The following PDE10A variants were observed in gnomAD, a reference collection of about 807,000 sequenced individuals.
The protein encoded by PDE10A is cAMP and cAMP-inhibited cGMP 3',5'-cyclic phosphodiesterase 10A.
Under a neutral mutation model 97.7 loss-of-function variants are expected in PDE10A, and 39 were observed. The ratio of observed to expected loss-of-function variants is 0.40; its 90% CI spans 0.31 to 0.52. PDE10A has a LOEUF of 0.52. Ranked by LOEUF, PDE10A falls within the 20% of genes least tolerant of loss-of-function variation. The probability of loss-of-function intolerance (pLI) is 0.56; values close to 1 mark genes in which losing one functional copy is unlikely to be tolerated. For missense variants in PDE10A, 731 were observed against 1,047.8 expected, an observed-to-expected ratio of 0.70 and a Z score of 4.17; for synonymous variants, 371 against 376.8, an observed-to-expected ratio of 0.98 and a Z score of 0.18.
chr6:165,515,564 C>T (rs1781752335), intron 2 of PDE10A, among the ~76,000 whole-genome samples: 1 of 142,684 alleles, frequency 7.0e-6, no homozygotes, highest in African/African-American at 2.7e-5. Context: ...CACTCTGTCA[C>T]ACAGGGTGGA....
At chr6:165,795,850 C>T (rs1369156555) in intron 1 of PDE10A, among the ~76,000 whole-genome samples, 2 of 152,114 alleles carry the variant, frequency 1.3e-5, no homozygotes, top group African/African-American at 4.8e-5. Flanking sequence ...TGGCAGTGAC[C>T]TTGGTATACA....
At chr6:165,663,667 G>C (rs564885567), upstream of PDE10A, among the ~76,000 whole-genome samples, 6 of 152,332 alleles carry the variant, frequency 3.9e-5, no homozygotes, top group Admixed American at 3.9e-4. Flanking sequence ...TTGAAATACG[G>C]TTCCTCCCCA....
intron 2 of PDE10A, among the ~76,000 whole-genome samples, chr6:165,514,363 T>C (rs1489402878): frequency 1.3e-5 from 2 of 152,232 alleles, no homozygotes; most frequent in African/African-American, 4.8e-5. Context: ...GCATTATTCT[T>C]TTTAAGTATT....
intron 1 of PDE10A, among the ~76,000 whole-genome samples, chr6:165,833,154 C>T (rs1874189): frequency 0.06 from 9,207 of 152,292 alleles, 346 homozygotes; most frequent in South Asian, 0.12. Context: ...GTCCCTGTGG[C>T]TTCTCTTCTC....
At chr6:165,480,068 T>G (rs991344735) in intron 3 of PDE10A, among the ~76,000 whole-genome samples, 1 of 152,232 alleles carries the variant, frequency 6.6e-6, no homozygotes, top group Non-Finnish European at 1.5e-5. Flanking sequence ...TGCAATGTTT[T>G]AAAGATATAT....
rs147976959 is a variant in PDE10A at position 165,589,713 on chromosome 6, G to A, written c.866-46145C>T. Among the ~76,000 whole-genome samples the A allele has an allele frequency of 7.4e-3, 1,124 of 152,146 alleles. 12 individuals carry two copies. Among genetic ancestry groups the A allele is most frequent in the African/African-American group, 0.024 (1,017 of 41,514 alleles). On this transcript the variant is annotated intron_variant, in intron 1 of 21. Transcript: ENST00000539869. ...GGAAGAAAGACAAATGGATGTATGA[G>A]AAAAATTATAAATTTGAAAAAAATG...
At chr6:165,632,132 G>A (rs369384357) in intron 1 of PDE10A, among the ~76,000 whole-genome samples, 2 of 149,914 alleles carry the variant, frequency 1.3e-5, no homozygotes, top group Non-Finnish European at 3.0e-5. Flanking sequence ...CCCAGGAGGC[G>A]GAGGTTGCAG....
chr6:165,771,406 C>T (rs1778005628), intron 1 of PDE10A, among the ~76,000 whole-genome samples: 1 of 151,974 alleles, frequency 6.6e-6, no homozygotes, highest in Non-Finnish European at 1.5e-5. Flanking sequence ...GCCCTACAGA[C>T]GTTTGCATTG....
intron 1 of PDE10A, among the ~76,000 whole-genome samples, chr6:165,786,104 A>C (rs1778485704): frequency 6.6e-6 from 1 of 152,218 alleles, no homozygotes; most frequent in South Asian, 2.1e-4. Flanking sequence ...TTAGCTACGT[A>C]ATCGATTTAT....
chr6:165,632,628 G>T (rs1310900196), intron 1 of PDE10A, among the ~76,000 whole-genome samples: 1 of 152,188 alleles, frequency 6.6e-6, no homozygotes, highest in Non-Finnish European at 1.5e-5. Flanking sequence ...AACAAAAAAA[G>T]AGACTATGAC....
intron 1 of PDE10A, among the ~76,000 whole-genome samples, chr6:165,582,636 A>G (rs937173018): frequency 1.3e-5 from 2 of 152,018 alleles, no homozygotes; most frequent in Admixed American, 1.3e-4. Context: ...ACTATACACC[A>G]AAAGAAACAC....
At chr6:165,688,489 G>A (rs2128441077) in intron 1 of PDE10A, among the ~76,000 whole-genome samples, 1 of 152,346 alleles carries the variant, frequency 6.6e-6, no homozygotes, top group East Asian at 1.9e-4. Flanking sequence ...CTTGAAGCCA[G>A]AGTAGGAAAT....
intron 1 of PDE10A, among the ~76,000 whole-genome samples, chr6:165,766,939 G>C (rs1287369608): frequency 6.6e-6 from 1 of 152,200 alleles, no homozygotes; most frequent in Non-Finnish European, 1.5e-5. Flanking sequence ...TTGACAAAAA[G>C]AGAGGCTAAC....
chr6:165,678,053 GTGTT>G (rs1790853306), intron 1 of PDE10A, among the ~76,000 whole-genome samples: 1 of 150,864 alleles, frequency 6.6e-6, no homozygotes, highest in Non-Finnish European at 1.5e-5. Flanking sequence ...GTATATGTGT[GTGTT>G]TGTGTATGTG....
At chr6:165,795,286 T>C (rs1028783915) in intron 1 of PDE10A, among the ~76,000 whole-genome samples, 2 of 152,230 alleles carry the variant, frequency 1.3e-5, no homozygotes, top group African/African-American at 2.4e-5. Context: ...CTCTGTTTAG[T>C]CAGTTGGCCA....
intron 12 of PDE10A, 67 bp from the exon 13 acceptor site, chr6:165,413,754 A>G: frequency 7.6e-7 from 1 of 1,309,716 alleles, no homozygotes; most frequent in South Asian, 1.3e-5. Flanking sequence ...GGACACAGTC[A>G]GTCATAAATC....
intron 1 of PDE10A, among the ~76,000 whole-genome samples, chr6:165,814,865 C>T (rs2128467927): frequency 6.6e-6 from 1 of 152,084 alleles, no homozygotes; most frequent in South Asian, 2.1e-4. Context: ...CAGTTCCGTT[C>T]CTCTGCTTGT....
chr6:165,429,218 A>G (rs569297168), intron 9 of PDE10A, among the ~76,000 whole-genome samples: 1 of 152,226 alleles, frequency 6.6e-6, no homozygotes, highest in Admixed American at 6.5e-5. Context: ...CTATGGATCT[A>G]ATGACTTTAT....
intron 1 of PDE10A, among the ~76,000 whole-genome samples, chr6:165,858,846 G>C (rs1055528779): frequency 6.6e-6 from 1 of 152,174 alleles, no homozygotes; most frequent in Non-Finnish European, 1.5e-5. Context: ...TGTTTGCTTA[G>C]AAATGGAAAA....
Sources: allele counts gnomAD v4.1 joint callset (sites outside exome capture counted in the v4.1 genomes callset), GRCh38; gene constraint gnomAD v4.1.1; transcripts MANE v1.5; gene names NCBI Gene and HGNC (gene_info 2026-07-23, HGNC 2026-07-21).